CIDEA: variants seen among roughly 807,000 people sequenced by gnomAD.
CIDEA encodes cell death inducing DFFA like effector a, also known as lipid transferase CIDEA.
CIDEA carries 10 observed loss-of-function variants against 18.2 expected under a neutral mutation model. That is an observed-to-expected ratio of 0.55 (90% CI 0.34 to 0.93). CIDEA has a LOEUF of 0.93. Ranked by LOEUF, CIDEA falls within the 40% of genes least tolerant of loss-of-function variation. The pLI is 0.02. For missense variants in CIDEA, 309 were observed against 293.1 expected (o/e 1.05, Z -0.40); for synonymous variants, 128 against 124.8 (o/e 1.03, Z -0.17).
At chr18:12,263,008 G>A (rs760035148) in intron 2 of CIDEA, 39 bp downstream of exon 2, 1 of 1,607,104 alleles carries the variant, frequency 6.2e-7, no homozygotes, top group Non-Finnish European at 8.5e-7. Context: ...GTCCACAGGG[G>A]TGCCCTGCAC....
chr18:12,268,006 C>T (rs1030384894), intron 3 of CIDEA, among the ~76,000 whole-genome samples: 2 of 152,060 alleles, frequency 1.3e-5, no homozygotes, highest in Admixed American at 6.6e-5. Flanking sequence ...GTGTCAAGGT[C>T]GAGAAACTAT....
At chr18:12,267,748 G>C (rs1425881183) in intron 3 of CIDEA, among the ~76,000 whole-genome samples, 4 of 152,178 alleles carry the variant, frequency 2.6e-5, no homozygotes, top group Non-Finnish European at 5.9e-5. Flanking sequence ...ACCGGCCTTG[G>C]CCTCCCAAAG....
At chr18:12,276,618 C>T (rs532292873) in intron 4 of CIDEA, among the ~76,000 whole-genome samples, 3 of 152,246 alleles carry the variant, frequency 2.0e-5, no homozygotes, top group African/African-American at 7.2e-5. Flanking sequence ...GGCAGTGGGC[C>T]CTCCTGATGA....
intron 3 of CIDEA, among the ~76,000 whole-genome samples, chr18:12,272,459 C>T (rs913363813): frequency 2.0e-5 from 3 of 151,990 alleles, no homozygotes; most frequent in African/African-American, 4.8e-5. Context: ...GTCATCTGCT[C>T]GTCTCGGCCT....
At position 12,277,531 on chromosome 18, in the gene CIDEA, G is replaced by A. The variant is rs922661004; in HGVS notation, c.*261G>A. The A allele has an allele frequency of 1.5e-5, 7 of 454,816 alleles. No homozygotes were observed. Among genetic ancestry groups the A allele is most frequent in the East Asian group, 7.6e-5 (2 of 26,270 alleles). 28.2% of individuals were successfully genotyped at this position (454,816 alleles called of 1,614,324 possible). ...GCAGCAGGCGTGCCCAGGAGCGTGT[G>A]CATGTGTCAGAGCCATTTGGTCCAT... On this transcript the variant is annotated 3_prime_UTR_variant, in exon 5 of 5. Coordinates refer to ENST00000320477, the MANE Select transcript of CIDEA (RefSeq NM_001279.4).
chr18:12,260,603 A>G (rs112503584), intron 1 of CIDEA, among the ~76,000 whole-genome samples: 7 of 152,370 alleles, frequency 4.6e-5, no homozygotes, highest in African/African-American at 1.7e-4. Flanking sequence ...CCTACAACTA[A>G]GCTAGGTATT....
At chr18:12,255,049 C>A in intron 1 of CIDEA, 1 of 763,228 alleles carries the variant, frequency 1.3e-6, no homozygotes, top group Non-Finnish European at 1.8e-6. Flanking sequence ...GGCGGGTGGA[C>A]CCTGAGGAGT....
intron 3 of CIDEA, among the ~76,000 whole-genome samples, chr18:12,267,749 C>G (rs1229658148): frequency 2.6e-5 from 4 of 152,226 alleles, no homozygotes. Context: ...CCGGCCTTGG[C>G]CTCCCAAAGT....
Position 12,262,911 on chromosome 18 carries a change from A to G in CIDEA, c.125A>G (p.His42Arg), listed in dbSNP as rs1442595779. 6.2e-7 allele frequency: 1 copy of G among 1,614,150 alleles called. No individual in the cohort carries two copies. The highest frequency in any genetic ancestry group is 8.5e-7 in the Non-Finnish European group (1 of 1,180,024). ...HPARPFRVSNHDRSSRRGVMA... is the reference protein window; with the variant it reads ...HPARPFRVSNRDRSSRRGVMA... ...GCTCGCCCTTTCCGGGTCTCCAACC[A>G]TGACAGGAGCAGCCGGCGTGGGGTG... The change falls in exon 2 of 5, where the codon CAT (histidine) becomes CGT (arginine). Residue 42 changes from histidine (H) to arginine (R), a missense_variant. Physicochemically the swap from His to Arg is conservative, Grantham distance 29 (BLOSUM62 0). Transcript: ENST00000320477.
chr18:12,276,711 G>T (rs1021799673), intron 4 of CIDEA, among the ~76,000 whole-genome samples: 1 of 152,168 alleles, frequency 6.6e-6, no homozygotes, highest in African/African-American at 2.4e-5. Context: ...GAAGGGAAGG[G>T]ATTTCAGTAG....
chr18:12,272,784 C>A (rs1418509147), intron 3 of CIDEA, among the ~76,000 whole-genome samples: 1 of 151,346 alleles, frequency 6.6e-6, no homozygotes. Context: ...AGGTCTTGCT[C>A]TGTCATCCAG....
chr18:12,254,584 C>CACACACCCATCCGCA, intron 1 of CIDEA, 163 bp downstream of exon 1: 1 of 672,166 alleles, frequency 1.5e-6, no homozygotes, highest in South Asian at 2.1e-5. Context: ...ACCCATCCGC[C>CACACACCCATCCGCA]CCACTGGTGC....
chr18:12,262,364 T>C (rs191788301), intron 1 of CIDEA, among the ~76,000 whole-genome samples: 22 of 152,238 alleles, frequency 1.4e-4, no homozygotes, highest in Admixed American at 1.4e-3. Context: ...GTGACCAATA[T>C]TGCACTTTTG....
At position 12,254,411 on chromosome 18, in the gene CIDEA, G is replaced by T. The variant is rs760798649; in HGVS notation, c.28G>T (p.Ala10Ser). Residue 10 changes from alanine to serine, a missense_variant, in exon 1 of 5, where the codon GCC (alanine) becomes TCC (serine). Transcript: ENST00000320477. MEAARDYAG[A>S]LIRPLTFMGS... ...GGAGGCCGCCCGGGACTATGCAGGA[G>T]CCCTCATCAGGCGAGTGCCCCGCGT... is the stretch of plus-strand genomic sequence containing the variant. 3 of 1,586,280 alleles carry T rather than the reference G, an allele frequency of 1.9e-6. No individual in the cohort carries two copies. The highest frequency in any genetic ancestry group is 2.3e-5 in the South Asian group (2 of 85,538).
chr18:12,275,595 C>T (rs1008045627), intron 4 of CIDEA, among the ~76,000 whole-genome samples: 30 of 152,224 alleles, frequency 2.0e-4, no homozygotes, highest in Non-Finnish European at 2.8e-4. Context: ...CAGGGCCGCC[C>T]GTTTCTCTTT....
At chr18:12,260,388 G>A (rs1454194738) in intron 1 of CIDEA, among the ~76,000 whole-genome samples, 1 of 151,578 alleles carries the variant, frequency 6.6e-6, no homozygotes, top group African/African-American at 2.4e-5. Flanking sequence ...GTCTCACTAT[G>A]TTGCCCAGAT....
intron 3 of CIDEA, among the ~76,000 whole-genome samples, chr18:12,272,657 A>C (rs1279072914): frequency 6.6e-6 from 1 of 150,862 alleles, no homozygotes. Flanking sequence ...CTCAGCTTTG[A>C]TTTTTAAAGT....
chr18:12,254,882 C>G, intron 1 of CIDEA: 8 of 1,302,486 alleles, frequency 6.1e-6, no homozygotes, highest in Non-Finnish European at 8.1e-6. Flanking sequence ...GGGAGGGGCC[C>G]AGGCTTGGCC....
chr18:12,269,489 G>A (rs1912451982), intron 3 of CIDEA, among the ~76,000 whole-genome samples: 1 of 152,128 alleles, frequency 6.6e-6, no homozygotes, highest in African/African-American at 2.4e-5. Flanking sequence ...CAGTGAAGTT[G>A]GCCTCCTCTG....
Sources: allele counts gnomAD v4.1 joint callset (sites outside exome capture counted in the v4.1 genomes callset), GRCh38; gene constraint gnomAD v4.1.1; transcripts MANE v1.5; gene names NCBI Gene and HGNC (gene_info 2026-07-23, HGNC 2026-07-21).